SEC11A: variants seen among roughly 807,000 people sequenced by gnomAD.
SEC11A encodes the protein signal peptidase complex catalytic subunit SEC11A.
A neutral mutation model predicts 25.6 loss-of-function variants in SEC11A; 14 were observed. That is an observed-to-expected ratio of 0.55 (90% CI 0.36 to 0.85). The LOEUF is 0.85. Among genes scored for constraint, SEC11A ranks in the 40% least tolerant of loss-of-function variants. SEC11A has a pLI of 0.01. For missense variants in SEC11A, 153 were observed against 222.9 expected (o/e 0.69, Z 2.00); for synonymous variants, 83 against 76.4 (o/e 1.09, Z -0.45).
intron 4 of SEC11A, among the ~76,000 whole-genome samples, chr15:84,679,007 G>C (rs902185360): frequency 6.7e-6 from 1 of 148,882 alleles, no homozygotes; most frequent in Non-Finnish European, 1.5e-5. Context: ...AAAAAAAAAG[G>C]CAAAAAAAAG....
intron 1 of SEC11A, among the ~76,000 whole-genome samples, chr15:84,708,839 T>A (rs775805927): frequency 6.6e-6 from 1 of 152,038 alleles, no homozygotes; most frequent in Non-Finnish European, 1.5e-5. Context: ...ATCGTTAAGA[T>A]ATCACTGCAA....
intron 1 of SEC11A, among the ~76,000 whole-genome samples, chr15:84,701,989 C>T (rs1215611238): frequency 6.7e-6 from 1 of 149,886 alleles, no homozygotes; most frequent in Non-Finnish European, 1.5e-5. Flanking sequence ...ATTGCTTGAA[C>T]CCGGGAGGCG....
chr15:84,685,814 T>G (rs1446889124), intron 3 of SEC11A: 10 of 127,738 alleles, frequency 7.8e-5, no homozygotes, highest in African/African-American at 2.7e-4. Context: ...TTTTTTTTTT[T>G]TTTTTTGAGA....
At chr15:84,681,401 G>A (rs1897279387) in intron 3 of SEC11A, among the ~76,000 whole-genome samples, 1 of 152,200 alleles carries the variant, frequency 6.6e-6, no homozygotes, top group African/African-American at 2.4e-5. Context: ...AGGCCAAGGT[G>A]GGCGGATCAC....
At chr15:84,695,984 T>C (rs1330722419) in intron 1 of SEC11A, among the ~76,000 whole-genome samples, 1 of 152,226 alleles carries the variant, frequency 6.6e-6, no homozygotes. Context: ...TCCACGCTAA[T>C]GGCCAGAACA....
chr15:84,676,941 A>G (rs989075644), intron 4 of SEC11A, among the ~76,000 whole-genome samples: 2 of 152,142 alleles, frequency 1.3e-5, no homozygotes, highest in African/African-American at 4.8e-5. Flanking sequence ...AATTAAAAAA[A>G]TTAGCCAGGT....
chr15:84,715,926 C>T, intron 1 of SEC11A, 99 bp downstream of exon 1: 1 of 1,127,444 alleles, frequency 8.9e-7, no homozygotes, highest in Non-Finnish European at 1.3e-6. Context: ...CAGACCAGCT[C>T]AGACCCTCAC....
intron 1 of SEC11A, among the ~76,000 whole-genome samples, chr15:84,714,322 G>A (rs910097698): frequency 3.3e-5 from 5 of 152,084 alleles, no homozygotes; most frequent in Non-Finnish European, 7.4e-5. Flanking sequence ...TCTACCTTCT[G>A]TCTTAAGCAA....
At chr15:84,692,309 G>C (rs768878790) in intron 1 of SEC11A, among the ~76,000 whole-genome samples, 1 of 152,078 alleles carries the variant, frequency 6.6e-6, no homozygotes, top group Non-Finnish European at 1.5e-5. Context: ...TGGGATTACA[G>C]GCGTGAGTCA....
At chr15:84,710,388 C>A (rs1005543045) in intron 1 of SEC11A, among the ~76,000 whole-genome samples, 1 of 152,114 alleles carries the variant, frequency 6.6e-6, no homozygotes, top group African/African-American at 2.4e-5. Flanking sequence ...AATCCCAACA[C>A]TTTGGGAGGC....
Position 84,669,840 on chromosome 15 carries a change from G to A in SEC11A, c.*179C>T, listed in dbSNP as rs1387082944. On this transcript the variant is annotated 3_prime_UTR_variant, in exon 6 of 6. Coordinates refer to ENST00000268220, the MANE Select transcript of SEC11A (RefSeq NM_014300.4). Reference sequence around the variant, plus strand: ...GAAAGTCCCCTCGAGTGCACTCTGTGGTGCACATGCGCCCGCCCACACAAA... The same window carrying A: ...GAAAGTCCCCTCGAGTGCACTCTGTAGTGCACATGCGCCCGCCCACACAAA... The A allele has an allele frequency of 3.8e-6, 4 of 1,053,510 alleles. No individual in the cohort carries two copies. The highest frequency in any genetic ancestry group is 2.7e-5 in the East Asian group (1 of 36,704). The allele number at this position is 1,053,510 out of a possible 1,614,324, so 65.3% of individuals were successfully genotyped here. A position where few individuals can be genotyped will look rare whatever the true frequency, so the allele number is the denominator to read the frequency against.
At chr15:84,696,338 T>A (rs975442188) in intron 1 of SEC11A, among the ~76,000 whole-genome samples, 7 of 152,192 alleles carry the variant, frequency 4.6e-5, no homozygotes, top group Non-Finnish European at 1.5e-5. Context: ...AAGGCTGAAT[T>A]GAAGACGTGG....
intron 1 of SEC11A, among the ~76,000 whole-genome samples, chr15:84,695,192 G>A (rs891380068): frequency 1.3e-4 from 19 of 151,456 alleles, no homozygotes; most frequent in African/African-American, 4.4e-4. Flanking sequence ...GCTGGGCTCG[G>A]TGGCTCACGC....
chr15:84,706,926 T>C (rs1264659403), intron 1 of SEC11A, among the ~76,000 whole-genome samples: 1 of 152,190 alleles, frequency 6.6e-6, no homozygotes, highest in African/African-American at 2.4e-5. Context: ...ACTGACAGGC[T>C]AGCAGAATTC....
At chr15:84,705,373 G>C (rs549699419) in intron 1 of SEC11A, among the ~76,000 whole-genome samples, 1 of 152,184 alleles carries the variant, frequency 6.6e-6, no homozygotes, top group East Asian at 1.9e-4. Context: ...TATGGCACCA[G>C]CTAGGTGGCA....
intron 1 of SEC11A, among the ~76,000 whole-genome samples, chr15:84,700,833 A>T (rs2141911340): frequency 6.6e-6 from 1 of 150,940 alleles, no homozygotes; most frequent in Non-Finnish European, 1.5e-5. Context: ...ATACAAAATT[A>T]GCCAGGCGTG....
At chr15:84,707,645 G>A (rs1000722860) in intron 1 of SEC11A, among the ~76,000 whole-genome samples, 10 of 152,094 alleles carry the variant, frequency 6.6e-5, no homozygotes, top group African/African-American at 2.4e-4. Context: ...TTTCTTCCTT[G>A]AGCAGAAAAG....
At chr15:84,704,017 T>C (rs1433633883) in intron 1 of SEC11A, among the ~76,000 whole-genome samples, 1 of 152,120 alleles carries the variant, frequency 6.6e-6, no homozygotes, top group Non-Finnish European at 1.5e-5. Context: ...GGACTTCCAC[T>C]CACCAAGACC....
chr15:84,690,911 T>G, intron 2 of SEC11A, among the ~76,000 whole-genome samples: 1 of 152,166 alleles, frequency 6.6e-6, no homozygotes, highest in South Asian at 2.1e-4. Flanking sequence ...ATGAGGAATA[T>G]AAAAAGACAG....
Sources: gnomAD v4.1 joint callset for allele counts (sites outside exome capture counted in the v4.1 genomes callset) on GRCh38, gnomAD v4.1.1 for gene constraint, MANE v1.5 for transcripts, NCBI Gene and HGNC (gene_info 2026-07-23, HGNC 2026-07-21) for gene names.